Variants in NCS1 observed in about 807,000 individuals in gnomAD.
NCS1 encodes neuronal calcium sensor 1.
Under a neutral mutation model 28.4 loss-of-function variants are expected in NCS1, and 6 were observed. That is an observed-to-expected ratio of 0.21 (90% confidence interval 0.12 to 0.42). The LOEUF is 0.42. Ranked by LOEUF, NCS1 falls within the 10% of genes least tolerant of loss-of-function variation. The probability of loss-of-function intolerance (pLI) is 1.00; values close to 1 mark genes in which losing one functional copy is unlikely to be tolerated. For synonymous variants in NCS1, 86 were observed against 99.3 expected (o/e 0.87, Z 0.79); for missense variants, 131 against 241.4 (o/e 0.54, Z 3.03).
At chr9:130,217,052 A>T (rs1319404243) in intron 2 of NCS1, among the ~76,000 whole-genome samples, 1 of 152,218 alleles carries the variant, frequency 6.6e-6, no homozygotes, top group Non-Finnish European at 1.5e-5. Context: ...TACATGCACC[A>T]TGTCCCCTGA....
At chr9:130,208,017 A>T (rs782151463) in intron 2 of NCS1, among the ~76,000 whole-genome samples, 1 of 152,020 alleles carries the variant, frequency 6.6e-6, no homozygotes, top group African/African-American at 2.4e-5. Flanking sequence ...AGGAACCACA[A>T]TGAGGGCTGC....
intron 2 of NCS1, among the ~76,000 whole-genome samples, chr9:130,210,586 G>A (rs1385719159): frequency 6.6e-6 from 1 of 151,948 alleles, no homozygotes; most frequent in South Asian, 2.1e-4. Context: ...CATGGCCAGT[G>A]CTCAGGACGT....
At chr9:130,223,768 T>TA (rs1388168178) in intron 6 of NCS1, among the ~76,000 whole-genome samples, 4 of 152,022 alleles carry the variant, frequency 2.6e-5, no homozygotes, top group Admixed American at 6.6e-5. Flanking sequence ...TAGAGGTTAG[T>TA]AAAAAAAGGC....
chr9:130,203,076 GTGTGTA>G (rs1206541245), intron 2 of NCS1, among the ~76,000 whole-genome samples: 1 of 150,294 alleles, frequency 6.7e-6, no homozygotes, highest in Non-Finnish European at 1.5e-5. Context: ...GTGTGTGTGT[GTGTGTA>G]TACACATACA....
At chr9:130,210,347 G>A (rs1258169550) in intron 2 of NCS1, among the ~76,000 whole-genome samples, 2 of 150,056 alleles carry the variant, frequency 1.3e-5, no homozygotes, top group African/African-American at 4.9e-5. Flanking sequence ...TGCAGTGAGT[G>A]TAGATCGTGC....
Position 130,209,138 on chromosome 9 carries a change from G to C in NCS1, c.89+8156G>C, listed in dbSNP as rs76017939. Among the ~76,000 whole-genome samples, 1,254 of 152,308 alleles carry C rather than the reference G, an allele frequency of 8.2e-3. 25 individuals are homozygous for C. The highest frequency in any genetic ancestry group is 0.029 in the African/African-American group (1,210 of 41,560). On this transcript the variant is annotated intron_variant, in intron 2 of 7. Transcript: ENST00000372398. The surrounding 1 kb of genome is among the most constrained non-coding windows in gnomAD (Gnocchi z 4.4). The stretch of plus-strand genomic sequence containing the variant: ...AATGGGAGAATAATTTGCCGAGGCT[G>C]CCGCTGCGCCCATCCCCGCTGCGCC...
chr9:130,183,816 C>CTT (rs1433047631), intron 1 of NCS1, among the ~76,000 whole-genome samples: 5 of 125,926 alleles, frequency 4.0e-5, no homozygotes, highest in Non-Finnish European at 6.8e-5. Context: ...TCTTTTCTTT[C>CTT]TTTTTTTTTT....
chr9:130,200,909 G>C, intron 1 of NCS1, 49 bp from the exon 2 acceptor site: 1 of 1,613,524 alleles, frequency 6.2e-7, no homozygotes, highest in Non-Finnish European at 8.5e-7. Flanking sequence ...CCCATCTCCC[G>C]GGACACCTTC....
chr9:130,193,591 A>AG (rs781856081), intron 1 of NCS1, among the ~76,000 whole-genome samples: 28 of 148,926 alleles, frequency 1.9e-4, no homozygotes, highest in Non-Finnish European at 3.0e-4. Context: ...GTGGAGCCTG[A>AG]GGGGCCTCTG....
chr9:130,201,242 G>A (rs1218304974), intron 2 of NCS1, among the ~76,000 whole-genome samples: 2 of 152,184 alleles, frequency 1.3e-5, no homozygotes, highest in Admixed American at 6.5e-5. Context: ...GACCACCAAG[G>A]CCTGAAGGGT....
intron 1 of NCS1, among the ~76,000 whole-genome samples, chr9:130,190,287 G>A (rs1554906111): frequency 6.6e-6 from 1 of 152,122 alleles, no homozygotes; most frequent in Non-Finnish European, 1.5e-5. Flanking sequence ...CCCAGCCATT[G>A]GGGAAGGTCC....
intron 7 of NCS1, among the ~76,000 whole-genome samples, chr9:130,229,092 A>T (rs966397554): frequency 2.0e-5 from 3 of 151,900 alleles, no homozygotes; most frequent in South Asian, 4.2e-4. Flanking sequence ...AGTTTATTTT[A>T]AAAAAAACCC....
rs1833516064 is a variant in NCS1, at chr9:130,232,843, A to G, written c.*18-147A>G. On this transcript the variant is annotated intron_variant, in intron 7 of 7. Transcript: ENST00000372398. This position sits in a 1 kb window ranked among gnomAD's most constrained non-coding sequence, Gnocchi z 4.4. ...CCAAAGGGTGCCTCAGAGGTTATGC[A>G]CATTTTTAGGACTTCTGACATAGAA... 6.6e-6 allele frequency: 1 copy of G among 152,490 alleles called. No homozygotes were observed. Among genetic ancestry groups the G allele is most frequent in the Non-Finnish European group, 1.5e-5 (1 of 68,054 alleles). The allele number at this position is 152,490 out of a possible 1,614,324, so 9.4% of individuals were successfully genotyped here.
chr9:130,218,987 G>A (rs540949124), intron 3 of NCS1, among the ~76,000 whole-genome samples: 4 of 152,254 alleles, frequency 2.6e-5, no homozygotes, highest in African/African-American at 7.2e-5. Context: ...TCTGAGAATC[G>A]TAGGCTATAG....
At chr9:130,212,478 G>T (rs1286709146) in intron 2 of NCS1, among the ~76,000 whole-genome samples, 1 of 149,528 alleles carries the variant, frequency 6.7e-6, no homozygotes, top group East Asian at 2.0e-4. Context: ...CAGGAGTGCC[G>T]GGGTGGGGAA....
chr9:130,185,342 C>T lies in NCS1; in HGVS notation c.64+12615C>T, dbSNP rs959874440. ...ATGAATGAGAAAACAAGTACATAAA[C>T]GAGCAAGCCAATGAATGAACGAAGT... On this transcript the variant is annotated intron_variant, in intron 1 of 7. Coordinates refer to ENST00000372398, the MANE Select transcript of NCS1 (RefSeq NM_014286.4). 9.2e-5 allele frequency among the ~76,000 whole-genome samples: 14 copies of T among 152,372 alleles called. 1 individual carries two copies. The South Asian group carries it at 1.7e-3, about 18-fold the overall frequency.
intron 2 of NCS1, among the ~76,000 whole-genome samples, chr9:130,204,549 G>A (rs1180487664): frequency 6.6e-6 from 1 of 152,148 alleles, no homozygotes; most frequent in African/African-American, 2.4e-5. Flanking sequence ...TCAGCCTCCC[G>A]AGTAGCTGAG....
rs372511914 is a variant in NCS1, at chr9:130,229,315, C to T, written c.*17+2811C>T. ...AGTCTCCCAGGCTGGAGTGCAGTGG[C>T]GTGATCTTAGCTCACTGCAACCTCT... On this transcript the variant is annotated intron_variant, in intron 7 of 7. Coordinates refer to ENST00000372398, the MANE Select transcript of NCS1 (RefSeq NM_014286.4). Among the ~76,000 whole-genome samples the T allele has an allele frequency of 1.5e-3, 218 of 149,636 alleles. 2 individuals are homozygous for T. Among genetic ancestry groups the T allele is most frequent in the African/African-American group, 5.2e-3 (212 of 40,462 alleles).
At chr9:130,225,449 T>A (rs1363315687) in intron 6 of NCS1, among the ~76,000 whole-genome samples, 4 of 152,258 alleles carry the variant, frequency 2.6e-5, no homozygotes, top group Admixed American at 2.0e-4. Flanking sequence ...GTGGTGTGCG[T>A]CCACGTGGCT....
Sources: allele counts gnomAD v4.1 joint callset (sites outside exome capture counted in the v4.1 genomes callset), GRCh38; gene constraint gnomAD v4.1.1; non-coding constraint Gnocchi (gnomAD v3.1); transcripts MANE v1.5; gene names NCBI Gene and HGNC (gene_info 2026-07-23, HGNC 2026-07-21).